LRRC37A2: variants seen among roughly 807,000 people sequenced by gnomAD.
The protein encoded by LRRC37A2 is leucine rich repeat containing 37 member A2.
LRRC37A2 carries 9 observed loss-of-function variants against 68.8 expected under a neutral mutation model. The observed-to-expected ratio is 0.13, with a 90% confidence interval of 0.08 to 0.23. The LOEUF (loss-of-function observed/expected upper bound fraction) is 0.23. Ranked by LOEUF, LRRC37A2 falls within the 10% of genes least tolerant of loss-of-function variation. The probability of loss-of-function intolerance (pLI) is 1.00; values close to 1 mark genes in which losing one functional copy is unlikely to be tolerated. For synonymous variants in LRRC37A2, 63 were observed against 367.6 expected, an observed-to-expected ratio of 0.17 and a Z score of 9.48; for missense variants, 168 against 950.4, an observed-to-expected ratio of 0.18 and a Z score of 10.82.
the LRRC37A2 span, among the ~76,000 whole-genome samples, chr17:46,985,301 A>C: frequency 6.6e-5 from 10 of 152,066 alleles, no homozygotes; most frequent in Admixed American, 5.9e-4. Context: ...CAGGTGGATC[A>C]TGAGGTCACT....
chr17:46,818,881 G>A, the LRRC37A2 span: 1 of 519,932 alleles, frequency 1.9e-6, no homozygotes, highest in South Asian at 2.3e-5. Context: ...CTCGGGCTCC[G>A]GGAAGGGCAT....
At chr17:46,392,512 T>A in the LRRC37A2 span, among the ~76,000 whole-genome samples, 1 of 10,762 alleles carries the variant, frequency 9.3e-5, no homozygotes, top group Non-Finnish European at 3.1e-3. Flanking sequence ...TCTCTCTTTC[T>A]CTCTCTCTCT....
chr17:46,528,626 A>G (rs2145113426), intron 6 of LRRC37A2: 1 of 503,674 alleles, frequency 2.0e-6, no homozygotes, highest in South Asian at 2.1e-5. Flanking sequence ...AGGCTGAGGC[A>G]GGAGAATCAC....
At chr17:46,888,402 C>A in the LRRC37A2 span, among the ~76,000 whole-genome samples, 14 of 152,254 alleles carry the variant, frequency 9.2e-5, no homozygotes, top group South Asian at 1.0e-3. Context: ...ATTATTATTC[C>A]TCAATTATGG....
At chr17:46,725,992 C>T in the LRRC37A2 span, among the ~76,000 whole-genome samples, 23 of 152,112 alleles carry the variant, frequency 1.5e-4, no homozygotes, top group Non-Finnish European at 1.5e-4. Context: ...TTTTCTTGAC[C>T]ATCTTAAGAC....
chr17:47,020,472 G>T, the LRRC37A2 span, among the ~76,000 whole-genome samples: 2 of 150,954 alleles, frequency 1.3e-5, no homozygotes, highest in African/African-American at 4.9e-5. Context: ...ACTGTCTCCA[G>T]AACACGAAAA....
At chr17:46,836,890 A>T in the LRRC37A2 span, among the ~76,000 whole-genome samples, 1 of 152,242 alleles carries the variant, frequency 6.6e-6, no homozygotes, top group Non-Finnish European at 1.5e-5. Flanking sequence ...TTTGTAAATG[A>T]ACCCTTTGCT....
chr17:46,984,191 C>G, the LRRC37A2 span: 1 of 152,118 alleles, frequency 6.6e-6, no homozygotes, highest in African/African-American at 2.4e-5. Context: ...AAAATAGAGG[C>G]CTGGAAAGGA....
At chr17:46,807,851 A>G in the LRRC37A2 span, among the ~76,000 whole-genome samples, 1 of 152,228 alleles carries the variant, frequency 6.6e-6, no homozygotes, top group Admixed American at 6.5e-5. Context: ...GAGTTTTCTC[A>G]TAGCCAGGAC....
chr17:46,879,070 G>A, the LRRC37A2 span, among the ~76,000 whole-genome samples: 1 of 152,220 alleles, frequency 6.6e-6, no homozygotes, highest in East Asian at 1.9e-4. Flanking sequence ...TGCTCACAGG[G>A]TATTTTTGTC....
At chr17:46,781,819 G>C in the LRRC37A2 span, among the ~76,000 whole-genome samples, 1 of 152,198 alleles carries the variant, frequency 6.6e-6, no homozygotes. Context: ...CCAGAGCCCC[G>C]GGTCTAGTCT....
the LRRC37A2 span, among the ~76,000 whole-genome samples, chr17:46,745,771 T>C: frequency 3.3e-5 from 5 of 152,362 alleles, no homozygotes; most frequent in African/African-American, 1.2e-4. Flanking sequence ...CCTTTAGGGC[T>C]ATGTTCCCAA....
chr17:46,529,171 G>A (rs993720757), intron 6 of LRRC37A2, among the ~76,000 whole-genome samples: 1 of 137,060 alleles, frequency 7.3e-6, no homozygotes, highest in Non-Finnish European at 1.6e-5. Context: ...TCATCTATCT[G>A]GACCTGTACA....
chr17:46,782,488 G>A, the LRRC37A2 span, among the ~76,000 whole-genome samples: 2 of 152,184 alleles, frequency 1.3e-5, no homozygotes, highest in Non-Finnish European at 2.9e-5. Flanking sequence ...CACCCTCCAC[G>A]GAAACTTCTA....
the LRRC37A2 span, among the ~76,000 whole-genome samples, chr17:46,787,676 G>A: frequency 1.1e-4 from 17 of 152,326 alleles, no homozygotes; most frequent in South Asian, 6.2e-4. Context: ...AGCCTCGGCC[G>A]GGCGCGGTGG....
chr17:46,750,939 A>T, the LRRC37A2 span, among the ~76,000 whole-genome samples: 19 of 152,214 alleles, frequency 1.2e-4, no homozygotes, highest in South Asian at 6.2e-4. Context: ...AGTCATTTTT[A>T]AAAAAGAACG....
At chr17:46,959,515 GT>G in the LRRC37A2 span, among the ~76,000 whole-genome samples, 1 of 151,912 alleles carries the variant, frequency 6.6e-6, no homozygotes, top group Non-Finnish European at 1.5e-5. Flanking sequence ...GTTCTTCTGG[GT>G]TTCATTTGCA....
the LRRC37A2 span, among the ~76,000 whole-genome samples, chr17:47,040,597 C>T: frequency 2.0e-5 from 2 of 101,842 alleles, no homozygotes; most frequent in African/African-American, 3.4e-5. Context: ...GTTAGCTTAC[C>T]GATCAGCTAA....
the LRRC37A2 span, among the ~76,000 whole-genome samples, chr17:46,896,492 G>A: frequency 6.7e-6 from 1 of 149,636 alleles, no homozygotes; most frequent in African/African-American, 2.5e-5. Context: ...CCAAGGCCAG[G>A]TACTGTGTCA....
Sources: gnomAD v4.1 joint callset for allele counts (sites outside exome capture counted in the v4.1 genomes callset) on GRCh38, gnomAD v4.1.1 for gene constraint, MANE v1.5 for transcripts, NCBI Gene and HGNC (gene_info 2026-07-23, HGNC 2026-07-21) for gene names.